The following VSNL1 variants were observed in gnomAD, a reference collection of about 807,000 sequenced individuals.
The protein encoded by VSNL1 is visinin like 1.
Under a neutral mutation model 20.4 loss-of-function variants are expected in VSNL1, and 6 were observed. That is an observed-to-expected ratio of 0.29 (90% CI 0.16 to 0.58). VSNL1 has a LOEUF of 0.58. VSNL1 is among the 20% of genes least tolerant of loss of function. The pLI is 0.90. For synonymous variants in VSNL1, 93 were observed against 86.4 expected (o/e 1.08, Z -0.42); for missense variants, 100 against 234.5 (o/e 0.43, Z 3.75).
intron 2 of VSNL1, among the ~76,000 whole-genome samples, chr2:17,605,341 G>A (rs1326775599): frequency 6.6e-6 from 1 of 152,162 alleles, no homozygotes; most frequent in African/African-American, 2.4e-5. Flanking sequence ...ATGTGAACCA[G>A]CCTTCCCAGC....
intron 2 of VSNL1, among the ~76,000 whole-genome samples, chr2:17,646,263 G>A (rs950145480): frequency 6.6e-6 from 1 of 152,202 alleles, no homozygotes; most frequent in Non-Finnish European, 1.5e-5. Flanking sequence ...AGAAGGTGGC[G>A]AAAATACTCA....
At chr2:17,651,024 C>T (rs764392470) in intron 3 of VSNL1, among the ~76,000 whole-genome samples, 7 of 152,220 alleles carry the variant, frequency 4.6e-5, no homozygotes, top group Non-Finnish European at 1.0e-4. Flanking sequence ...ATCTTTCTCA[C>T]TCTTTAATCT....
intron 2 of VSNL1, among the ~76,000 whole-genome samples, chr2:17,639,103 G>A (rs2103419923): frequency 6.6e-6 from 1 of 152,304 alleles, no homozygotes; most frequent in Non-Finnish European, 1.5e-5. Flanking sequence ...AGGGGCTGGT[G>A]GGGTGAAGGG....
chr2:17,629,080 C>T (rs762189814), intron 2 of VSNL1, among the ~76,000 whole-genome samples: 1 of 152,248 alleles, frequency 6.6e-6, no homozygotes, highest in Non-Finnish European at 1.5e-5. Flanking sequence ...TCTGCATCTT[C>T]CTTGGGTGTC....
chr2:17,562,977 G>A (rs899034499), intron 1 of VSNL1, among the ~76,000 whole-genome samples: 2 of 151,976 alleles, frequency 1.3e-5, no homozygotes, highest in African/African-American at 2.4e-5. Flanking sequence ...CTCTTGGGTC[G>A]GTGACTCAAC....
chr2:17,636,810 T>C (rs1448523713), intron 2 of VSNL1, among the ~76,000 whole-genome samples: 4 of 152,208 alleles, frequency 2.6e-5, no homozygotes, highest in Non-Finnish European at 5.9e-5. Flanking sequence ...TATCTTTTTA[T>C]TGGACAGGGC....
chr2:17,626,691 C>T (rs1256605543), intron 2 of VSNL1, among the ~76,000 whole-genome samples: 1 of 152,128 alleles, frequency 6.6e-6, no homozygotes, highest in Non-Finnish European at 1.5e-5. Context: ...CAACTTATGG[C>T]TGACCCCAAC....
At chr2:17,645,683 G>C (rs1176903589) in intron 2 of VSNL1, among the ~76,000 whole-genome samples, 1 of 152,154 alleles carries the variant, frequency 6.6e-6, no homozygotes, top group East Asian at 1.9e-4. Flanking sequence ...GCAGAGTGGG[G>C]CCCACTGTCT....
intron 1 of VSNL1, among the ~76,000 whole-genome samples, chr2:17,550,112 C>T (rs1401554280): frequency 6.6e-6 from 1 of 152,014 alleles, no homozygotes; most frequent in Non-Finnish European, 1.5e-5. Flanking sequence ...TAGCATGTGA[C>T]AATAAAAAAT....
intron 2 of VSNL1, among the ~76,000 whole-genome samples, chr2:17,597,311 C>T (rs554454675): frequency 6.6e-6 from 1 of 152,338 alleles, no homozygotes; most frequent in East Asian, 1.9e-4. Context: ...CTCTCAATGT[C>T]CTGACCCTCA....
chr2:17,618,662 T>C (rs1238435585), intron 2 of VSNL1, among the ~76,000 whole-genome samples: 2 of 152,190 alleles, frequency 1.3e-5, no homozygotes, highest in South Asian at 2.1e-4. Context: ...ATAACCATTA[T>C]TGTAAGAGTA....
chr2:17,615,294 T>C (rs1665189426), intron 2 of VSNL1, among the ~76,000 whole-genome samples: 1 of 152,250 alleles, frequency 6.6e-6, no homozygotes, highest in Non-Finnish European at 1.5e-5. Context: ...TTTATTTTTT[T>C]GTCACTTAAA....
intron 2 of VSNL1, among the ~76,000 whole-genome samples, chr2:17,617,394 G>T (rs963501375): frequency 6.6e-6 from 1 of 152,086 alleles, no homozygotes; most frequent in Non-Finnish European, 1.5e-5. Context: ...TACTTTGGAG[G>T]CTAAGGCAGG....
At chr2:17,592,303 C>A in intron 2 of VSNL1, 67 bp downstream of exon 2, 2 of 1,517,776 alleles carry the variant, frequency 1.3e-6, no homozygotes, top group South Asian at 2.4e-5. Flanking sequence ...GAAATTGTAC[C>A]CTCACATGGA....
At chr2:17,567,306 C>T (rs1663970671) in intron 1 of VSNL1, 1 of 141,316 alleles carries the variant, frequency 7.1e-6, no homozygotes, top group African/African-American at 2.6e-5. Context: ...TCCTAGGCAT[C>T]TTACATGATT....
intron 1 of VSNL1, among the ~76,000 whole-genome samples, chr2:17,568,368 G>A (rs528573743): frequency 4.5e-4 from 68 of 152,172 alleles, no homozygotes; most frequent in African/African-American, 1.4e-3. Flanking sequence ...TCCAGCCTCT[G>A]GTGATTTTCC....
At chr2:17,589,530 C>G (rs1314190971) in intron 1 of VSNL1, among the ~76,000 whole-genome samples, 1 of 152,176 alleles carries the variant, frequency 6.6e-6, no homozygotes, top group African/African-American at 2.4e-5. Flanking sequence ...CCATTCTGAG[C>G]CAGGCCAGAA....
At chr2:17,622,219 A>T (rs1665375993) in intron 2 of VSNL1, among the ~76,000 whole-genome samples, 2 of 151,902 alleles carry the variant, frequency 1.3e-5, no homozygotes, top group Admixed American at 1.3e-4. Flanking sequence ...TCTCAAAAAA[A>T]AAAAAAAAAT....
chr2:17,553,780 A>T (rs1572327907), intron 1 of VSNL1, among the ~76,000 whole-genome samples: 1 of 143,548 alleles, frequency 7.0e-6, no homozygotes, highest in Middle Eastern at 3.8e-3. Context: ...TATCTCACGA[A>T]ATTGTTGTGA....
Sources: allele counts gnomAD v4.1 joint callset (sites outside exome capture counted in the v4.1 genomes callset), GRCh38; gene constraint gnomAD v4.1.1; transcripts MANE v1.5; gene names NCBI Gene and HGNC (gene_info 2026-07-23, HGNC 2026-07-21).